Variants in TENM4 observed in about 807,000 individuals in gnomAD.
The protein encoded by TENM4 is teneurin-4.
Under a neutral mutation model 243.3 loss-of-function variants are expected in TENM4, and 82 were observed. That is an observed-to-expected ratio of 0.34 (90% CI 0.28 to 0.40). The LOEUF is 0.40. TENM4 is among the 10% of genes least tolerant of loss of function. The pLI, the probability that TENM4 is intolerant of heterozygous loss-of-function variation, is 1.00. For synonymous variants in TENM4, 1,412 were observed against 1,456.3 expected, an observed-to-expected ratio of 0.97 and a Z score of 0.69; for missense variants, 3,138 against 3,673.3, an observed-to-expected ratio of 0.85 and a Z score of 3.77.
intron 25 of TENM4, among the ~76,000 whole-genome samples, chr11:78,713,594 C>T (rs1431205080): frequency 6.6e-6 from 1 of 152,104 alleles, no homozygotes; most frequent in African/African-American, 2.4e-5. Context: ...GGCAAGTTAC[C>T]CGACCTCCTG....
rs570331234 is a variant in TENM4, at chr11:79,305,055, C to T, written c.-320-7512G>A. Among the ~76,000 whole-genome samples, 3 of 152,330 alleles carry T rather than the reference C, an allele frequency of 2.0e-5. No individual in the cohort carries two copies. In the South Asian group the frequency reaches 6.2e-4, roughly 32 times the overall value. On this transcript the variant is annotated intron_variant, in intron 1 of 33. Coordinates refer to ENST00000278550, the MANE Select transcript of TENM4 (RefSeq NM_001098816.3). The stretch of plus-strand genomic sequence containing the variant: ...AAAGAGAAACTTCTCCACTCAGCAA[C>T]TTTCTACTCACCCTCTTTCATTTAA...
intron 10 of TENM4, among the ~76,000 whole-genome samples, chr11:78,860,350 G>A (rs1239836527): frequency 1.3e-5 from 2 of 152,188 alleles, no homozygotes; most frequent in Non-Finnish European, 2.9e-5. Context: ...GATGCAGTAA[G>A]TGCCATAAGT....
intron 2 of TENM4, among the ~76,000 whole-genome samples, chr11:79,288,789 T>C (rs191723994): frequency 1.2e-4 from 18 of 152,132 alleles, no homozygotes; most frequent in East Asian, 3.9e-4. Flanking sequence ...TAGTGGATGA[T>C]TGGAAATATA....
At chr11:79,250,925 A>T (rs943784792) in intron 2 of TENM4, among the ~76,000 whole-genome samples, 1 of 152,230 alleles carries the variant, frequency 6.6e-6, no homozygotes, top group Non-Finnish European at 1.5e-5. Flanking sequence ...TGGTGCTTCA[A>T]GAAGCTATAA....
chr11:79,370,926 A>G (rs1511238), intron 1 of TENM4, among the ~76,000 whole-genome samples: 42,346 of 151,952 alleles, frequency 0.28, 6,058 homozygotes, highest in Middle Eastern at 0.34. Context: ...TTTATAATAC[A>G]CTAGGAACTC....
chr11:79,317,564 T>C (rs1856823350), intron 1 of TENM4, among the ~76,000 whole-genome samples: 2 of 152,184 alleles, frequency 1.3e-5, no homozygotes, highest in African/African-American at 4.8e-5. Context: ...TGACAAACAA[T>C]AGGGTGAGTA....
At chr11:79,026,740 G>A (rs1188799135) in intron 6 of TENM4, among the ~76,000 whole-genome samples, 1 of 152,202 alleles carries the variant, frequency 6.6e-6, no homozygotes, top group East Asian at 1.9e-4. Context: ...GTTGAATGAA[G>A]TACTGGGTGG....
At chr11:79,009,500 T>C (rs1319032623) in intron 6 of TENM4, among the ~76,000 whole-genome samples, 1 of 152,160 alleles carries the variant, frequency 6.6e-6, no homozygotes, top group Non-Finnish European at 1.5e-5. Context: ...GTCCAAGGAA[T>C]GGGGTAATAA....
chr11:78,661,024 C>A (rs938774658), intron 33 of TENM4, among the ~76,000 whole-genome samples: 1 of 152,120 alleles, frequency 6.6e-6, no homozygotes, highest in Non-Finnish European at 1.5e-5. Context: ...GCCTCAGGCA[C>A]GAGTCTGTAA....
chr11:79,061,147 T>C (rs1860075898), intron 6 of TENM4, among the ~76,000 whole-genome samples: 1 of 152,186 alleles, frequency 6.6e-6, no homozygotes, highest in Non-Finnish European at 1.5e-5. Flanking sequence ...TCCTCCGCTA[T>C]AAGTTGGGGA....
intron 1 of TENM4, chr11:79,422,248 T>TAC (rs36083983): frequency 0.045 from 6,430 of 142,674 alleles, 154 homozygotes; most frequent in South Asian, 0.066. Context: ...ACATGGTTCT[T>TAC]ACACACACAC....
intron 32 of TENM4, among the ~76,000 whole-genome samples, chr11:78,662,603 T>C (rs1296943775): frequency 6.6e-6 from 1 of 152,100 alleles, no homozygotes; most frequent in African/African-American, 2.4e-5. Context: ...GGTGTGGGGA[T>C]AGATAGGATT....
chr11:78,967,618 G>A (rs1857463683), intron 6 of TENM4, among the ~76,000 whole-genome samples: 1 of 152,270 alleles, frequency 6.6e-6, no homozygotes, highest in African/African-American at 2.4e-5. Flanking sequence ...TTTTGGGTGG[G>A]GCTCAGATGT....
intron 19 of TENM4, among the ~76,000 whole-genome samples, chr11:78,739,732 G>A (rs1855878570): frequency 6.6e-6 from 1 of 152,138 alleles, no homozygotes; most frequent in African/African-American, 2.4e-5. Flanking sequence ...TCGGGATGGA[G>A]GCCTCCTCTC....
chr11:79,367,745 AAAAAG>A (rs1483890205), intron 1 of TENM4, among the ~76,000 whole-genome samples: 35 of 152,354 alleles, frequency 2.3e-4, no homozygotes, highest in African/African-American at 7.9e-4. Context: ...GGAAGAAAAG[AAAAAG>A]AAGAGAGACA....
chr11:79,021,949 A>T (rs556088141), intron 6 of TENM4, among the ~76,000 whole-genome samples: 9 of 152,252 alleles, frequency 5.9e-5, no homozygotes, highest in African/African-American at 2.2e-4. Flanking sequence ...ACCCAGGGAG[A>T]GGTGTGTGTG....
At chr11:78,975,145 G>A (rs1857623383) in intron 6 of TENM4, among the ~76,000 whole-genome samples, 1 of 119,516 alleles carries the variant, frequency 8.4e-6, no homozygotes, top group African/African-American at 3.2e-5. Context: ...GCTCAAGAGG[G>A]AGAAAAGCTG....
intron 1 of TENM4, among the ~76,000 whole-genome samples, chr11:79,342,077 G>T (rs555843183): frequency 6.6e-6 from 1 of 152,272 alleles, no homozygotes; most frequent in African/African-American, 2.4e-5. Context: ...ACACTGGGTG[G>T]GTGGTCTTTC....
intron 6 of TENM4, among the ~76,000 whole-genome samples, chr11:78,972,301 C>T (rs1446777925): frequency 5.9e-5 from 9 of 152,034 alleles, no homozygotes; most frequent in Non-Finnish European, 8.8e-5. Context: ...GCAGCTCCCA[C>T]TAAGTCAACT....
Sources: allele counts gnomAD v4.1 joint callset (sites outside exome capture counted in the v4.1 genomes callset), GRCh38; gene constraint gnomAD v4.1.1; transcripts MANE v1.5; gene names NCBI Gene and HGNC (gene_info 2026-07-23, HGNC 2026-07-21).